ATP6V1A: variants seen among roughly 807,000 people sequenced by gnomAD.
The protein encoded by ATP6V1A is ATPase H+ transporting V1 subunit A.
A neutral mutation model predicts 70.1 loss-of-function variants in ATP6V1A; 18 were observed. That is an observed-to-expected ratio of 0.26 (90% CI 0.18 to 0.38). The LOEUF (loss-of-function observed/expected upper bound fraction) is 0.38, where lower values mean the gene tolerates loss of function less well. Ranked by LOEUF, ATP6V1A falls within the 10% of genes least tolerant of loss-of-function variation. ATP6V1A has a pLI of 1.00. For missense variants in ATP6V1A, 424 were observed against 772.4 expected (o/e 0.55, Z 5.35); for synonymous variants, 232 against 253.8 (o/e 0.91, Z 0.82).
intron 7 of ATP6V1A, among the ~76,000 whole-genome samples, chr3:113,789,224 T>A (rs1709068035): frequency 6.6e-6 from 1 of 152,140 alleles, no homozygotes; most frequent in South Asian, 2.1e-4. Flanking sequence ...ATTTTGTATT[T>A]TTAGTAGAGA....
At chr3:113,801,269 T>C (rs1289834124) in intron 12 of ATP6V1A, 2 of 151,698 alleles carry the variant, frequency 1.3e-5, no homozygotes, top group African/African-American at 4.8e-5. Flanking sequence ...ATGTCTAAAA[T>C]GTACAAAGAT....
intron 1 of ATP6V1A, among the ~76,000 whole-genome samples, chr3:113,769,752 A>G (rs1201071032): frequency 6.6e-6 from 1 of 152,152 alleles, no homozygotes; most frequent in African/African-American, 2.4e-5. Flanking sequence ...ATTAACTCAG[A>G]TCAGTTGCCT....
chr3:113,777,305 TA>T (rs1390530674), intron 1 of ATP6V1A, among the ~76,000 whole-genome samples: 13 of 152,230 alleles, frequency 8.5e-5, no homozygotes, highest in Non-Finnish European at 2.9e-5. Context: ...AGTTAAAATT[TA>T]AAGATAGGTA....
At chr3:113,781,022 C>A in intron 2 of ATP6V1A, 28 bp from the exon 3 acceptor site, 1 of 1,577,076 alleles carries the variant, frequency 6.3e-7, no homozygotes. Context: ...AGTCTTAAGT[C>A]ATCAAAATAG....
At chr3:113,808,055 G>A (rs1431675634) in intron 14 of ATP6V1A, among the ~76,000 whole-genome samples, 9 of 151,474 alleles carry the variant, frequency 5.9e-5, no homozygotes, top group African/African-American at 1.7e-4. Flanking sequence ...ACTTAAGCCC[G>A]GGAGGTGGAG....
intron 1 of ATP6V1A, among the ~76,000 whole-genome samples, chr3:113,762,387 G>T (rs1329622632): frequency 6.6e-6 from 1 of 152,128 alleles, no homozygotes; most frequent in Non-Finnish European, 1.5e-5. Flanking sequence ...TGGCCAACTT[G>T]GAGAAACCCT....
At chr3:113,751,883 T>C (rs1018760461) in intron 1 of ATP6V1A, among the ~76,000 whole-genome samples, 5 of 151,884 alleles carry the variant, frequency 3.3e-5, no homozygotes, top group African/African-American at 1.2e-4. Context: ...TCTTTGTAGT[T>C]AGCTCTAGTT....
intron 1 of ATP6V1A, among the ~76,000 whole-genome samples, chr3:113,759,395 G>C (rs1276113765): frequency 1.3e-5 from 2 of 150,776 alleles, no homozygotes; most frequent in African/African-American, 4.9e-5. Context: ...TCAAAAGCCA[G>C]TTGTCCATAT....
chr3:113,798,449 G>GAGTTGTTA lies in ATP6V1A; in HGVS notation c.1494+5_1494+12dup, dbSNP rs774507573. ...AAATTGTACAGCTTGTGGGAAAGGT[G>GAGTTGTTA]AGTTGTTAAATTCCATGGAAGATAG... On this transcript the variant is annotated splice_donor_region_variant and intron_variant, in intron 12 of 14. Coordinates refer to ENST00000273398, the MANE Select transcript of ATP6V1A (RefSeq NM_001690.4). 1.9e-6 allele frequency: 3 copies of GAGTTGTTA among 1,613,550 alleles called. No homozygotes were observed. Among genetic ancestry groups the GAGTTGTTA allele is most frequent in the Non-Finnish European group, 8.5e-7 (1 of 1,179,742 alleles).
At chr3:113,752,963 C>G (rs1368993046) in intron 1 of ATP6V1A, among the ~76,000 whole-genome samples, 1 of 151,850 alleles carries the variant, frequency 6.6e-6, no homozygotes, top group Non-Finnish European at 1.5e-5. Context: ...GATAGGAAAC[C>G]TAAAAGTCAT....
chr3:113,797,592 G>A (rs962310003), intron 11 of ATP6V1A, among the ~76,000 whole-genome samples: 4 of 152,032 alleles, frequency 2.6e-5, no homozygotes, highest in African/African-American at 7.2e-5. Flanking sequence ...GTGTGTATTC[G>A]ATCTACATAA....
intron 8 of ATP6V1A, among the ~76,000 whole-genome samples, chr3:113,790,196 G>A (rs528229317): frequency 4.6e-5 from 7 of 151,436 alleles, no homozygotes; most frequent in Admixed American, 2.6e-4. Flanking sequence ...GCTTGAATCC[G>A]GGAGGCTGAG....
At chr3:113,767,152 C>G (rs954840987) in intron 1 of ATP6V1A, among the ~76,000 whole-genome samples, 2 of 135,988 alleles carry the variant, frequency 1.5e-5, no homozygotes, top group African/African-American at 5.6e-5. Flanking sequence ...AGTGCAGTGG[C>G]GTGATCTTGG....
At chr3:113,778,969 T>A (rs1708949565) in intron 2 of ATP6V1A, 134 bp downstream of exon 2, 4 of 551,626 alleles carry the variant, frequency 7.3e-6, no homozygotes, top group Non-Finnish European at 9.2e-6. Flanking sequence ...GATCTCATAG[T>A]GACTATAAGA....
At chr3:113,760,462 C>G (rs1029459040) in intron 1 of ATP6V1A, among the ~76,000 whole-genome samples, 6 of 152,214 alleles carry the variant, frequency 3.9e-5, no homozygotes, top group Non-Finnish European at 8.8e-5. Flanking sequence ...GGCATGGTGG[C>G]TTACGCCTGT....
chr3:113,763,855 C>G (rs1270598149), intron 1 of ATP6V1A, among the ~76,000 whole-genome samples: 1 of 133,824 alleles, frequency 7.5e-6, no homozygotes, highest in Non-Finnish European at 1.7e-5. Context: ...AGATAGGGAT[C>G]TGTGTGTTTG....
In ATP6V1A at chr3:113,784,401, A is replaced by C; in HGVS notation, c.389A>C (p.Asp130Ala). Reference protein sequence around the residue: ...RGVNVSALSRDIKWDFTPCKN... With the variant: ...RGVNVSALSRAIKWDFTPCKN... ...GTAAACGTGTCTGCTCTTAGCAGAGATATCAAATGGGACTTTACACCTTGC... is the reference window on the plus strand; with the variant it reads ...GTAAACGTGTCTGCTCTTAGCAGAGCTATCAAATGGGACTTTACACCTTGC... Residue 130 changes from aspartate to alanine, a missense_variant, in exon 4 of 15, where the codon GAT (aspartate) becomes GCT (alanine). This residue lies in a region of ATP6V1A where 139 missense variants were observed against 163.5 expected (regional missense o/e 0.85). Coordinates refer to ENST00000273398, the MANE Select transcript of ATP6V1A (RefSeq NM_001690.4). The C allele has an allele frequency of 1.2e-6, 2 of 1,614,168 alleles. No individual in the cohort carries two copies. Among genetic ancestry groups the C allele is most frequent in the Non-Finnish European group, 1.7e-6 (2 of 1,179,992 alleles).
intron 1 of ATP6V1A, among the ~76,000 whole-genome samples, chr3:113,776,087 G>A (rs1187774922): frequency 5.3e-5 from 8 of 152,088 alleles, no homozygotes; most frequent in Admixed American, 2.0e-4. Context: ...TGCCAGGCGC[G>A]GTGGCTCATG....
At chr3:113,799,571 C>T (rs1291805141) in intron 12 of ATP6V1A, among the ~76,000 whole-genome samples, 2 of 151,952 alleles carry the variant, frequency 1.3e-5, no homozygotes, top group Non-Finnish European at 2.9e-5. Flanking sequence ...AGATCATAAC[C>T]AATGATGTAA....
Sources: allele counts gnomAD v4.1 joint callset (sites outside exome capture counted in the v4.1 genomes callset), GRCh38; gene constraint gnomAD v4.1.1; regional missense constraint gnomAD v4.1.1; transcripts MANE v1.5; gene names NCBI Gene and HGNC (gene_info 2026-07-23, HGNC 2026-07-21).